Variants in AGAP1 observed in about 807,000 individuals in gnomAD.
AGAP1 encodes arf-GAP with GTPase, ANK repeat and PH domain-containing protein 1.
Under a neutral mutation model 105.3 loss-of-function variants are expected in AGAP1, and 29 were observed. That is an observed-to-expected ratio of 0.28 (90% confidence interval 0.21 to 0.38). The LOEUF (loss-of-function observed/expected upper bound fraction) is 0.38. Ranked by LOEUF, AGAP1 falls within the 10% of genes least tolerant of loss-of-function variation. The pLI, the probability that AGAP1 is intolerant of heterozygous loss-of-function variation, is 1.00. For missense variants in AGAP1, 998 were observed against 1,165.1 expected, an observed-to-expected ratio of 0.86 and a Z score of 2.09; for synonymous variants, 509 against 485.9, an observed-to-expected ratio of 1.05 and a Z score of -0.63.
At chr2:235,775,790 C>G (rs1955815120) in intron 6 of AGAP1, 1 of 152,088 alleles carries the variant, frequency 6.6e-6, no homozygotes, top group South Asian at 2.1e-4. Flanking sequence ...TTGATTAATA[C>G]CCCTGGAAGT....
chr2:235,918,817 T>A (rs1423927000), intron 11 of AGAP1, among the ~76,000 whole-genome samples: 2 of 152,148 alleles, frequency 1.3e-5, no homozygotes, highest in African/African-American at 4.8e-5. Context: ...GGTGTGTAAT[T>A]CAGAAGTAAG....
At chr2:235,548,188 G>A (rs1030106211) in intron 1 of AGAP1, among the ~76,000 whole-genome samples, 10 of 152,290 alleles carry the variant, frequency 6.6e-5, no homozygotes, top group African/African-American at 2.4e-4. Context: ...ACTGCGTCTC[G>A]TCTCCCTTGG....
intron 1 of AGAP1, among the ~76,000 whole-genome samples, chr2:235,702,597 C>T (rs1281191393): frequency 6.6e-6 from 1 of 152,184 alleles, no homozygotes; most frequent in Non-Finnish European, 1.5e-5. Context: ...GATTACTTCC[C>T]ATTCTAGAAT....
rs73998914 is a variant in AGAP1 at position 235,793,894 on chromosome 2, A to G, written c.674-3865A>G. On this transcript the variant is annotated intron_variant, in intron 6 of 17. Coordinates refer to ENST00000304032, the MANE Select transcript of AGAP1 (RefSeq NM_001037131.3). This position sits in a 1 kb window ranked among gnomAD's most constrained non-coding sequence, Gnocchi z 5.3. ...TTTCCCTCTATAGAATAGAACATTT[A>G]CAGTTTGTGGATAAAGTAAATGTAT... Among the ~76,000 whole-genome samples, 2,973 of 152,322 alleles carry G rather than the reference A, an allele frequency of 0.02. 98 individuals are homozygous for G. Among genetic ancestry groups the G allele is most frequent in the African/African-American group, 0.068 (2,841 of 41,558 alleles).
rs1180662896 is a variant in AGAP1, at chr2:236,002,270, T to G, written c.1645+33647T>G. On this transcript the variant is annotated intron_variant, in intron 13 of 17. Coordinates refer to ENST00000304032, the MANE Select transcript of AGAP1 (RefSeq NM_001037131.3). The surrounding 1 kb of genome is among the most constrained non-coding windows in gnomAD (Gnocchi z 4.3). ...CACAACATGACCCACGCACCCAGCC[T>G]GAGCCCAGGAGGCTCCTGGTCCCGT... 6.6e-6 allele frequency among the ~76,000 whole-genome samples: 1 copy of G among 152,188 alleles called. No homozygotes were observed. Among genetic ancestry groups the G allele is most frequent in the Non-Finnish European group, 1.5e-5 (1 of 68,032 alleles).
intron 1 of AGAP1, chr2:235,670,939 C>T: frequency 2.3e-6 from 3 of 1,319,298 alleles, no homozygotes; most frequent in Non-Finnish European, 2.9e-6. Flanking sequence ...GGGGCCCGGG[C>T]GGCGGGCCCT....
chr2:235,661,469 A>T (rs897899439), intron 1 of AGAP1, among the ~76,000 whole-genome samples: 1 of 123,672 alleles, frequency 8.1e-6, no homozygotes, highest in African/African-American at 3.2e-5. Context: ...TACTGAGGGG[A>T]TGGGGCAGTG....
chr2:235,934,389 G>T lies in AGAP1; in HGVS notation c.1483+3466G>T, dbSNP rs1209555195. On this transcript the variant is annotated intron_variant, in intron 12 of 17. Transcript: ENST00000304032. The surrounding 1 kb of genome is among the most constrained non-coding windows in gnomAD (Gnocchi z 4.9). Reference sequence around the variant, plus strand: ...AGGCCTGCTGGACGCATCCTTGTCTGTCTGCGCCGAGGGTACCATCCCGGC... The same window carrying T: ...AGGCCTGCTGGACGCATCCTTGTCTTTCTGCGCCGAGGGTACCATCCCGGC... Among the ~76,000 whole-genome samples, 1 of 152,194 alleles carries T rather than the reference G, an allele frequency of 6.6e-6. No homozygotes were observed. Among genetic ancestry groups the T allele is most frequent in the Admixed American group, 6.5e-5 (1 of 15,282 alleles).
At chr2:235,913,061 C>T (rs2051697128) in intron 11 of AGAP1, among the ~76,000 whole-genome samples, 1 of 151,918 alleles carries the variant, frequency 6.6e-6, no homozygotes, top group South Asian at 2.1e-4. Context: ...TATTATTTGC[C>T]TTTTAAATTT....
intron 1 of AGAP1, among the ~76,000 whole-genome samples, chr2:235,554,503 C>G (rs1943913983): frequency 1.3e-5 from 2 of 152,176 alleles, no homozygotes; most frequent in African/African-American, 4.8e-5. Flanking sequence ...GCATGTGGGC[C>G]TGCTGTTCCC....
At chr2:235,853,185 A>T in intron 9 of AGAP1, 1 of 1,077,738 alleles carries the variant, frequency 9.3e-7, no homozygotes, top group Non-Finnish European at 1.1e-6. Flanking sequence ...AACATAAAAC[A>T]TTAAAATCCA....
chr2:236,005,366 C>G lies in AGAP1; in HGVS notation c.1646-31195C>G, dbSNP rs942614175. Among the ~76,000 whole-genome samples the G allele has an allele frequency of 1.3e-5, 2 of 152,092 alleles. No homozygotes were observed. The highest frequency in any genetic ancestry group is 6.5e-5 in the Admixed American group (1 of 15,270). Reference sequence around the variant, plus strand: ...ATGTTGCCCAGGCTGGTCTCAAACTCCTGACCTCAAATGATCCACCCACCT... The same window carrying G: ...ATGTTGCCCAGGCTGGTCTCAAACTGCTGACCTCAAATGATCCACCCACCT... On this transcript the variant is annotated intron_variant, in intron 13 of 17. Coordinates refer to ENST00000304032, the MANE Select transcript of AGAP1 (RefSeq NM_001037131.3). The surrounding 1 kb of genome is among the most constrained non-coding windows in gnomAD (Gnocchi z 4.1).
chr2:235,508,299 G>T (rs1477900703), intron 1 of AGAP1, among the ~76,000 whole-genome samples: 1 of 152,116 alleles, frequency 6.6e-6, no homozygotes, highest in Non-Finnish European at 1.5e-5. Flanking sequence ...ATTCCTTCAG[G>T]TGTGTACCAA....
chr2:235,776,997 C>T (rs931085319), intron 6 of AGAP1: 2 of 471,038 alleles, frequency 4.2e-6, no homozygotes, highest in African/African-American at 2.0e-5. Context: ...GTTCCCAGCA[C>T]GTTTTATCAT....
intron 9 of AGAP1, chr2:235,853,127 A>T: frequency 8.3e-7 from 1 of 1,199,030 alleles, no homozygotes; most frequent in East Asian, 3.5e-5. Flanking sequence ...TTTAAAGAAA[A>T]AAACATTTAC....
chr2:236,108,192 G>A (rs2059549020), intron 16 of AGAP1, among the ~76,000 whole-genome samples: 1 of 152,234 alleles, frequency 6.6e-6, no homozygotes, highest in African/African-American at 2.4e-5. Context: ...GGGGGAGGCA[G>A]CTGTCAGCGC....
chr2:236,035,832 G>A lies in AGAP1; in HGVS notation c.1646-729G>A, dbSNP rs2057363643. Among the ~76,000 whole-genome samples, 2 of 152,016 alleles carry A rather than the reference G, an allele frequency of 1.3e-5. No homozygotes were observed. The highest frequency in any genetic ancestry group is 2.4e-5 in the African/African-American group (1 of 41,386). On this transcript the variant is annotated intron_variant, in intron 13 of 17. Coordinates refer to ENST00000304032, the MANE Select transcript of AGAP1 (RefSeq NM_001037131.3). The surrounding 1 kb of genome is among the most constrained non-coding windows in gnomAD (Gnocchi z 4.2). Reference sequence around the variant, plus strand: ...ACTAGCAGAAAAGCATTAGACAGTCGGTGCCCTTTTCCTTCATTTTATGGG... The same window carrying A: ...ACTAGCAGAAAAGCATTAGACAGTCAGTGCCCTTTTCCTTCATTTTATGGG...
chr2:236,092,616 TCTC>T lies in AGAP1; in HGVS notation c.2115-27573_2115-27571del, dbSNP rs1181776732. On this transcript the variant is annotated intron_variant, in intron 16 of 17. Coordinates refer to ENST00000304032, the MANE Select transcript of AGAP1 (RefSeq NM_001037131.3). This position sits in a 1 kb window ranked among gnomAD's most constrained non-coding sequence, Gnocchi z 4.7. ...ACCGTGTTAGCCAGGATGGTCTCGATCTCCTGACCTCATGATCCACCCGCCTTG... is the reference window on the plus strand; with the variant it reads ...ACCGTGTTAGCCAGGATGGTCTCGATCTGACCTCATGATCCACCCGCCTTG... Among the ~76,000 whole-genome samples, 2 of 152,106 alleles carry T rather than the reference TCTC, an allele frequency of 1.3e-5. No homozygotes were observed. Among genetic ancestry groups the T allele is most frequent in the Admixed American group, 6.6e-5 (1 of 15,266 alleles).
At chr2:236,022,084 A>G (rs1471414512) in intron 13 of AGAP1, among the ~76,000 whole-genome samples, 2 of 149,774 alleles carry the variant, frequency 1.3e-5, no homozygotes, top group East Asian at 3.9e-4. Context: ...AAAAAGGCAC[A>G]TATGGCACCC....
Sources: allele counts gnomAD v4.1 joint callset (sites outside exome capture counted in the v4.1 genomes callset), GRCh38; gene constraint gnomAD v4.1.1; non-coding constraint Gnocchi (gnomAD v3.1); transcripts MANE v1.5; gene names NCBI Gene and HGNC (gene_info 2026-07-23, HGNC 2026-07-21).